Variants in ZNF544 observed in about 807,000 individuals in gnomAD.
ZNF544 encodes the protein zinc finger protein 544, also known as zinc finger protein AF020591.
ZNF544 carries 10 observed loss-of-function variants against 13.5 expected under a neutral mutation model. That is an observed-to-expected ratio of 0.74 (90% CI 0.46 to 1.25). The LOEUF (loss-of-function observed/expected upper bound fraction) is 1.25. ZNF544 is among the 50% of genes most tolerant of loss of function. The pLI is 0.00. For synonymous variants in ZNF544, 323 were observed against 300.5 expected, an observed-to-expected ratio of 1.07 and a Z score of -0.77; for missense variants, 896 against 845.6, an observed-to-expected ratio of 1.06 and a Z score of -0.74.
chr19:58,238,775 C>T (rs1238799713), intron 3 of ZNF544, among the ~76,000 whole-genome samples: 9 of 151,922 alleles, frequency 5.9e-5, no homozygotes, highest in Admixed American at 5.9e-4. Context: ...TAAAGATCCT[C>T]AACGTGGGTC....
At chr19:58,246,230 G>A in intron 4 of ZNF544, 71 bp from the exon 5 acceptor site, 3 of 1,604,128 alleles carry the variant, frequency 1.9e-6, no homozygotes, top group South Asian at 2.2e-5. Flanking sequence ...CAACATTTAG[G>A]CCTTAACAGG....
rs1240154375 is a variant in ZNF544, at chr19:58,262,103, A to G, written c.1497A>G (p.Lys499=). The change falls in exon 7 of 7, where the codon AAA becomes AAG. Residue 499 remains lysine, a synonymous_variant. Coordinates refer to ENST00000687789, the MANE Select transcript of ZNF544 (RefSeq NM_014480.4). ...EKPFKCTQCG[K]SFSQKYDLVV... is the part of the protein sequence containing the mutation. Reference sequence around the variant, plus strand: ...CCTTCAAATGTACTCAGTGTGGGAAATCTTTCAGCCAGAAGTATGACCTTG... The same window carrying G: ...CCTTCAAATGTACTCAGTGTGGGAAGTCTTTCAGCCAGAAGTATGACCTTG... The G allele has an allele frequency of 4.3e-6, 7 of 1,611,972 alleles. No homozygotes were observed. The highest frequency in any genetic ancestry group is 5.9e-6 in the Non-Finnish European group (7 of 1,179,672).
Position 58,246,318 on chromosome 19 carries a change from G to A in ZNF544, c.51G>A (p.Glu17=), listed in dbSNP as rs1334390544. Residue 17 remains glutamate (E), a synonymous_variant, in exon 5 of 7, where the codon GAG becomes GAA. Transcript: ENST00000687789. ...TGTTTCAGGCATCTGTGTGCTTCGAGGATGTGGCTATGGCATTCACACAGG... is the reference window on the plus strand; with the variant it reads ...TGTTTCAGGCATCTGTGTGCTTCGAAGATGTGGCTATGGCATTCACACAGG... The part of the protein sequence containing the change: ...LVPPQASVCF[E]DVAMAFTQEE... The A allele has an allele frequency of 5.0e-6, 8 of 1,614,122 alleles. No individual in the cohort carries two copies. The highest frequency in any genetic ancestry group is 6.8e-6 in the Non-Finnish European group (8 of 1,179,994).
intron 3 of ZNF544, among the ~76,000 whole-genome samples, chr19:58,236,391 G>A (rs1420482326): frequency 7.3e-5 from 11 of 150,296 alleles, no homozygotes; most frequent in African/African-American, 9.8e-5. Flanking sequence ...CCAGCTACTC[G>A]GAGGCTGAGG....
rs200184463 is a variant in ZNF544 at position 58,262,450 on chromosome 19, G to C, written c.1844G>C (p.Arg615Pro). ...AACGAGTGTGGAAAAGCCTTCAATC[G>C]AAGCACTCAGCTCATCAGGCATCTG... is the stretch of plus-strand genomic sequence containing the variant. The part of the protein sequence containing the change: ...ECNECGKAFN[R>P]STQLIRHLQI... Residue 615 changes from arginine (R) to proline (P), a missense_variant, in exon 7 of 7, where the codon CGA becomes CCA. Arg to Pro is a moderately radical substitution (Grantham distance 103). Coordinates refer to ENST00000687789, the MANE Select transcript of ZNF544 (RefSeq NM_014480.4). The C allele has an allele frequency of 1.2e-5, 19 of 1,613,900 alleles. No individual in the cohort carries two copies. The highest frequency in any genetic ancestry group is 1.6e-5 in the Non-Finnish European group (19 of 1,179,996).
chr19:58,231,085 G>GGTTGGGCAGAGA (rs2041115357), intron 3 of ZNF544, among the ~76,000 whole-genome samples: 1 of 152,124 alleles, frequency 6.6e-6, no homozygotes, highest in Non-Finnish European at 1.5e-5. Flanking sequence ...AAACTAGCAG[G>GGTTGGGCAGAGA]GTTGGGCAGA....
At chr19:58,274,171 TTTA>T (rs143828210) in intron 5 of ZNF544, among the ~76,000 whole-genome samples, 1,615 of 152,066 alleles carry the variant, frequency 0.011, 21 homozygotes, top group African/African-American at 0.036. Flanking sequence ...ATTAATATAT[TTTA>T]TTAATATAAT....
chr19:58,246,442 T>C lies in ZNF544; in HGVS notation c.160+15T>C, dbSNP rs1225830387. 1.2e-6 allele frequency: 2 copies of C among 1,613,614 alleles called. No individual in the cohort carries two copies. The highest frequency in any genetic ancestry group is 2.7e-5 in the African/African-American group (2 of 74,876). ...TGTCTCCCTGGGTAAGTGGCTGTGC[T>C]CATGGAAGGAGGTTCTACCCCTAGG... On this transcript the variant is annotated intron_variant, in intron 5 of 6. Transcript: ENST00000687789.
intron 6 of ZNF544, 106 bp downstream of exon 6, chr19:58,246,900 C>T: frequency 1.9e-6 from 2 of 1,031,710 alleles, no homozygotes; most frequent in Non-Finnish European, 2.9e-6. Flanking sequence ...TGGAGGAAGC[C>T]TCCTTGGGTG....
chr19:58,272,163 GAAAAA>G (rs5828754), intron 5 of ZNF544, among the ~76,000 whole-genome samples: 4 of 128,012 alleles, frequency 3.1e-5, no homozygotes, highest in African/African-American at 6.0e-5. Flanking sequence ...TCCTTGACAG[GAAAAA>G]AAAAAAAAAA....
chr19:58,243,512 A>G (rs2044370351), intron 3 of ZNF544, among the ~76,000 whole-genome samples: 1 of 151,714 alleles, frequency 6.6e-6, no homozygotes, highest in Non-Finnish European at 1.5e-5. Flanking sequence ...GCTGAGACCG[A>G]GGGAGGGCAT....
At position 58,261,042 on chromosome 19, in the gene ZNF544, A is replaced by G; in HGVS notation, c.436A>G (p.Thr146Ala). The G allele has an allele frequency of 1.2e-6, 2 of 1,614,172 alleles. No homozygotes were observed. The highest frequency in any genetic ancestry group is 1.7e-6 in the Non-Finnish European group (2 of 1,180,026). Residue 146 changes from threonine to alanine, a missense_variant, in exon 7 of 7, where the codon ACC becomes GCC. By Grantham distance (58) the Thr-to-Ala change is moderately conservative. Coordinates refer to ENST00000687789, the MANE Select transcript of ZNF544 (RefSeq NM_014480.4). ...GAACTCCTTGAGGTTCATGGTACTC[A>G]CCTCAGAGAGACTGTTTGCTCAAAG... is the stretch of plus-strand genomic sequence containing the variant. ...QENSLRFMVL[T>A]SERLFAQREH...
chr19:58,261,512 G>T lies in ZNF544; in HGVS notation c.906G>T (p.Glu302Asp). ...HFGKSQYECD[E>D]CRETCSESLC... ...GGAAAAGTCAGTATGAGTGTGATGA[G>T]TGCAGGGAAACCTGTTCTGAGAGTC... Residue 302 changes from glutamate to aspartate, a missense_variant, in exon 7 of 7, where the codon GAG becomes GAT. By Grantham distance (45) the Glu-to-Asp change is conservative. Coordinates refer to ENST00000687789, the MANE Select transcript of ZNF544 (RefSeq NM_014480.4). 2 of 1,614,186 alleles carry T rather than the reference G, an allele frequency of 1.2e-6. No individual in the cohort carries two copies. The highest frequency in any genetic ancestry group is 1.7e-6 in the Non-Finnish European group (2 of 1,180,048).
chr19:58,262,323 G>A lies in ZNF544; in HGVS notation c.1717G>A (p.Glu573Lys), dbSNP rs751899567. 2 of 1,613,990 alleles carry A rather than the reference G, an allele frequency of 1.2e-6. No individual in the cohort carries two copies. The highest frequency in any genetic ancestry group is 8.5e-7 in the Non-Finnish European group (1 of 1,180,010). ...CATACATCAGAGAATTCATACTGGA[G>A]AGAAACCGTACGATTGCACTCACTG... ...LVIHQRIHTG[E>K]KPYDCTHCGK... Residue 573 changes from glutamate (E) to lysine (K), a missense_variant, in exon 7 of 7, where the codon GAG becomes AAG. Glu to Lys is a moderately conservative substitution (Grantham distance 56). Coordinates refer to ENST00000687789, the MANE Select transcript of ZNF544 (RefSeq NM_014480.4).
In ZNF544 at chr19:58,261,921, A is replaced by C; in HGVS notation, c.1315A>C (p.Ile439Leu). Residue 439 changes from isoleucine (I) to leucine (L), a missense_variant, in exon 7 of 7, where the codon ATT becomes CTT. Transcript: ENST00000687789. Reference protein sequence around the residue: ...IHTGEKPYQCIECRKSFRWNS... With the variant: ...IHTGEKPYQCLECRKSFRWNS... ...CACTGGAGAAAAACCGTATCAGTGT[A>C]TTGAATGCAGAAAATCCTTCAGGTG... The C allele has an allele frequency of 6.2e-7, 1 of 1,613,642 alleles. No homozygotes were observed. Among genetic ancestry groups the C allele is most frequent in the Non-Finnish European group, 8.5e-7 (1 of 1,179,944 alleles).
At chr19:58,259,682 T>C (rs1484571097) in intron 6 of ZNF544, 1 of 152,226 alleles carries the variant, frequency 6.6e-6, no homozygotes, top group Non-Finnish European at 1.5e-5. Context: ...AATCTCCCTC[T>C]GCCTTTCTCC....
intron 6 of ZNF544, among the ~76,000 whole-genome samples, chr19:58,253,917 A>G: frequency 6.6e-6 from 1 of 152,030 alleles, no homozygotes; most frequent in East Asian, 1.9e-4. Flanking sequence ...CATTTTACCA[A>G]TAATTTTAAA....
intron 6 of ZNF544, among the ~76,000 whole-genome samples, chr19:58,249,829 TC>T (rs2046004061): frequency 6.6e-6 from 1 of 152,208 alleles, no homozygotes; most frequent in Non-Finnish European, 1.5e-5. Flanking sequence ...CTCTATTTTT[TC>T]TTTTTTACTT....
In ZNF544 at chr19:58,246,169, A is replaced by G. The variant is rs2045159346; in HGVS notation, c.34-132A>G. On this transcript the variant is annotated intron_variant, in intron 4 of 6. Coordinates refer to ENST00000687789, the MANE Select transcript of ZNF544 (RefSeq NM_014480.4). The stretch of plus-strand genomic sequence containing the variant: ...CCTTGTAAAGACCCCACCTCTTAAC[A>G]CTATCTCACTGGGTATTAGGTTCCA... The G allele has an allele frequency of 8.0e-6, 10 of 1,249,792 alleles. No individual in the cohort carries two copies. The South Asian group carries it at 1.1e-4, about 14-fold the overall frequency. The allele number at this position is 1,249,792 out of a possible 1,614,324, so 77.4% of individuals were successfully genotyped here.
Sources: allele counts gnomAD v4.1 joint callset (sites outside exome capture counted in the v4.1 genomes callset), GRCh38; gene constraint gnomAD v4.1.1; transcripts MANE v1.5; gene names NCBI Gene and HGNC (gene_info 2026-07-23, HGNC 2026-07-21).